The following CCDC91 variants were observed in gnomAD, a reference collection of about 807,000 sequenced individuals.
CCDC91 encodes coiled-coil domain-containing protein 91.
A neutral mutation model predicts 63.2 loss-of-function variants in CCDC91; 48 were observed. The observed-to-expected ratio is 0.76, with a 90% CI of 0.60 to 0.97. CCDC91 has a LOEUF of 0.97. Ranked by LOEUF, CCDC91 falls within the 50% of genes least tolerant of loss-of-function variation. The pLI is 0.00. For synonymous variants in CCDC91, 167 were observed against 165.8 expected (o/e 1.01, Z -0.06); for missense variants, 500 against 494.6 (o/e 1.01, Z -0.10).
chr12:28,302,547 C>T (rs1283741356), intron 3 of CCDC91: 1 of 653,690 alleles, frequency 1.5e-6, no homozygotes. Context: ...AATTTGAATC[C>T]ATTTCTTATG....
chr12:28,199,596 TGA>T (rs1178659214), intron 1 of CCDC91, among the ~76,000 whole-genome samples: 1 of 152,198 alleles, frequency 6.6e-6, no homozygotes, highest in Non-Finnish European at 1.5e-5. Context: ...CAGTTCAGCC[TGA>T]GAGACCCAGG....
chr12:28,291,850 C>T (rs1045612337), intron 3 of CCDC91, among the ~76,000 whole-genome samples: 2 of 152,242 alleles, frequency 1.3e-5, no homozygotes, highest in African/African-American at 4.8e-5. Context: ...AGTTCTTTGG[C>T]AACCTCTTGT....
chr12:28,459,941 T>C (rs1950226590), intron 11 of CCDC91, among the ~76,000 whole-genome samples: 1 of 152,184 alleles, frequency 6.6e-6, no homozygotes, highest in African/African-American at 2.4e-5. Context: ...TGTGATAGTT[T>C]ATTTTTTAGC....
chr12:28,520,339 TC>T (rs745591729), intron 12 of CCDC91, among the ~76,000 whole-genome samples: 5 of 152,234 alleles, frequency 3.3e-5, no homozygotes, highest in Admixed American at 1.3e-4. Flanking sequence ...GAGAATTTTT[TC>T]ATGTGCCTGT....
intron 12 of CCDC91, among the ~76,000 whole-genome samples, chr12:28,521,073 A>G (rs1239766490): frequency 6.6e-6 from 1 of 152,152 alleles, no homozygotes; most frequent in Non-Finnish European, 1.5e-5. Context: ...TGGGTTCCAT[A>G]TGAACTTTAA....
At chr12:28,530,001 A>G (rs1041096610) in intron 12 of CCDC91, among the ~76,000 whole-genome samples, 4 of 152,234 alleles carry the variant, frequency 2.6e-5, no homozygotes, top group African/African-American at 9.6e-5. Context: ...AAAAATGCTA[A>G]GAAATAGTAC....
At chr12:28,476,435 C>T (rs765679776) in intron 11 of CCDC91, among the ~76,000 whole-genome samples, 1 of 152,040 alleles carries the variant, frequency 6.6e-6, no homozygotes, top group Non-Finnish European at 1.5e-5. Context: ...AACAAAGGCA[C>T]AACATTCCAG....
intron 6 of CCDC91, among the ~76,000 whole-genome samples, chr12:28,349,884 C>G (rs1372829575): frequency 6.6e-6 from 1 of 152,108 alleles, no homozygotes; most frequent in African/African-American, 2.4e-5. Context: ...TAGAAGTGAT[C>G]TGGGGAGGAC....
chr12:28,437,500 A>G (rs567224966), intron 8 of CCDC91, among the ~76,000 whole-genome samples: 4 of 152,184 alleles, frequency 2.6e-5, no homozygotes, highest in African/African-American at 9.6e-5. Flanking sequence ...TTTTATTTCC[A>G]AGAGAGCTAA....
intron 8 of CCDC91, among the ~76,000 whole-genome samples, chr12:28,396,645 TG>T: frequency 5.4e-4 from 1 of 1,858 alleles, no homozygotes; most frequent in African/African-American, 1.0e-3. Context: ...AAGGAGATTT[TG>T]TGTGTGTGTG....
intron 12 of CCDC91, among the ~76,000 whole-genome samples, chr12:28,535,641 A>G (rs1592987238): frequency 6.6e-6 from 1 of 152,222 alleles, no homozygotes; most frequent in Non-Finnish European, 1.5e-5. Flanking sequence ...ACTTCAGTAC[A>G]GTAGAAATGA....
rs113167689 is a variant in CCDC91 at position 28,283,029 on chromosome 12, C to T, written c.110-22620C>T. Reference sequence around the variant, plus strand: ...AGATCAGTTGGTTGTAGGTATTTGGCTGTATTTCTAGGTTCTCCATTCTGT... The same window carrying T: ...AGATCAGTTGGTTGTAGGTATTTGGTTGTATTTCTAGGTTCTCCATTCTGT... On this transcript the variant is annotated intron_variant, in intron 3 of 12. Transcript: ENST00000536442. 5.0e-3 allele frequency among the ~76,000 whole-genome samples: 755 copies of T among 152,070 alleles called. 2 individuals carry two copies. Among genetic ancestry groups the T allele is most frequent in the Non-Finnish European group, 8.4e-3 (574 of 67,930 alleles).
chr12:28,212,732 A>G (rs1330295128), intron 1 of CCDC91, among the ~76,000 whole-genome samples: 1 of 152,232 alleles, frequency 6.6e-6, no homozygotes, highest in Non-Finnish European at 1.5e-5. Flanking sequence ...AGGCACTACT[A>G]GCAGACCTTT....
At chr12:28,478,104 G>A (rs938392482) in intron 11 of CCDC91, among the ~76,000 whole-genome samples, 6 of 151,790 alleles carry the variant, frequency 4.0e-5, no homozygotes, top group African/African-American at 7.3e-5. Context: ...AGAATTGGAA[G>A]GAACTACTTT....
chr12:28,500,497 A>G (rs1937683993), intron 12 of CCDC91, among the ~76,000 whole-genome samples: 1 of 151,820 alleles, frequency 6.6e-6, no homozygotes, highest in Non-Finnish European at 1.5e-5. Context: ...TGCTTACTTT[A>G]GATACATCAT....
intron 1 of CCDC91, among the ~76,000 whole-genome samples, chr12:28,247,037 AG>A (rs1945786931): frequency 6.6e-6 from 1 of 152,246 alleles, no homozygotes; most frequent in African/African-American, 2.4e-5. Context: ...TTGACATATG[AG>A]GACACTGTGG....
chr12:28,503,808 C>G (rs1258545538), intron 12 of CCDC91, among the ~76,000 whole-genome samples: 1 of 152,040 alleles, frequency 6.6e-6, no homozygotes, highest in African/African-American at 2.4e-5. Context: ...AATTGGAAAT[C>G]ATCATTCTCA....
At chr12:28,223,360 T>G (rs539439699) in intron 1 of CCDC91, among the ~76,000 whole-genome samples, 1 of 152,276 alleles carries the variant, frequency 6.6e-6, no homozygotes, top group South Asian at 2.1e-4. Context: ...CTGTCTGATA[T>G]TTCCATATGT....
At chr12:28,438,637 A>T (rs1434680453) in intron 8 of CCDC91, among the ~76,000 whole-genome samples, 1 of 152,178 alleles carries the variant, frequency 6.6e-6, no homozygotes, top group East Asian at 1.9e-4. Flanking sequence ...AAGTTTATGG[A>T]TGCTCCCTGA....
Sources: gnomAD v4.1 joint callset for allele counts (sites outside exome capture counted in the v4.1 genomes callset) on GRCh38, gnomAD v4.1.1 for gene constraint, MANE v1.5 for transcripts, NCBI Gene and HGNC (gene_info 2026-07-23, HGNC 2026-07-21) for gene names.